The following E2F7 variants were observed in gnomAD, a reference collection of about 807,000 sequenced individuals.
E2F7 encodes transcription factor E2F7.
In E2F7, 35 loss-of-function variants were observed where a neutral mutation model predicts 81.1. The observed-to-expected ratio is 0.43, with a 90% confidence interval of 0.33 to 0.57. E2F7 has a LOEUF of 0.57. Ranked by LOEUF, E2F7 falls within the 20% of genes least tolerant of loss-of-function variation. E2F7 has a pLI of 0.04. For missense variants in E2F7, 961 were observed against 1,093.7 expected (o/e 0.88, Z 1.71); for synonymous variants, 416 against 416.2 (o/e 1.00, Z 0.01).
intron 3 of E2F7, among the ~76,000 whole-genome samples, chr12:77,054,579 T>G (rs1265093666): frequency 6.6e-6 from 1 of 152,144 alleles, no homozygotes; most frequent in Non-Finnish European, 1.5e-5. Flanking sequence ...TTCCTACAGG[T>G]GGTGAACCTT....
At chr12:77,054,497 G>A (rs1363003568) in intron 3 of E2F7, among the ~76,000 whole-genome samples, 1 of 152,110 alleles carries the variant, frequency 6.6e-6, no homozygotes, top group African/African-American at 2.4e-5. Flanking sequence ...GTGAAACACT[G>A]CTGAAAGATA....
Position 77,029,900 on chromosome 12 carries a change from C to T in E2F7, c.1815G>A (p.Glu605=). The part of the protein sequence containing the change: ...RLCEERKPQE[E]DEPATKRQSR... Reference sequence around the variant, plus strand: ...TTTGCCTTTTAGTGGCTGGCTCATCCTCCTCCTGAGGTTTCCTCTCCTCAC... The same window carrying T: ...TTTGCCTTTTAGTGGCTGGCTCATCTTCCTCCTGAGGTTTCCTCTCCTCAC... Residue 605 remains glutamate (E), a synonymous_variant, in exon 10 of 13, where the codon GAG becomes GAA. Transcript: ENST00000322886. The T allele has an allele frequency of 6.2e-7, 1 of 1,614,224 alleles. No individual in the cohort carries two copies.
At position 77,025,940 on chromosome 12, in the gene E2F7, G is replaced by T; in HGVS notation, c.2183C>A (p.Pro728His). 1 of 1,613,058 alleles carries T rather than the reference G, an allele frequency of 6.2e-7. No homozygotes were observed. Among genetic ancestry groups the T allele is most frequent in the South Asian group, 1.1e-5 (1 of 90,940 alleles). ...FNVLLSGSQT[P>H]PTVGPSSGQL... ...ACCTGAGGACGGGCCCACAGTAGGG[G>T]GGGTTTGACTGCCAGATAAAAGTAC... Residue 728 changes from proline to histidine, a missense_variant, in exon 12 of 13, where the codon CCC (proline) becomes CAC (histidine). Physicochemically the swap from Pro to His is moderately conservative, Grantham distance 77 (BLOSUM62 -2). This residue lies in a region of E2F7 where 587 missense variants were observed against 620.3 expected (regional missense o/e 0.95). Coordinates refer to ENST00000322886, the MANE Select transcript of E2F7 (RefSeq NM_203394.3).
Position 77,021,977 on chromosome 12 carries a change from T to G in E2F7, c.*2038A>C, listed in dbSNP as rs1954715611. ...TAATATCCTCACCAATGGGACTGCT[T>G]CTTAACACCCCTCAGGAATTATGAA... On this transcript the variant is annotated 3_prime_UTR_variant, in exon 13 of 13. Transcript: ENST00000322886. 6.6e-6 allele frequency: 1 copy of G among 152,206 alleles called. No homozygotes were observed. Among genetic ancestry groups the G allele is most frequent in the Admixed American group, 6.5e-5 (1 of 15,284 alleles). 9.4% of individuals were successfully genotyped at this position (152,206 alleles called of 1,614,324 possible).
At chr12:77,053,290 G>A (rs569352295) in intron 3 of E2F7, among the ~76,000 whole-genome samples, 19 of 152,212 alleles carry the variant, frequency 1.2e-4, no homozygotes, top group African/African-American at 4.6e-4. Context: ...TAAAATTGAG[G>A]CAGTTAAAAT....
intron 2 of E2F7, among the ~76,000 whole-genome samples, chr12:77,057,534 T>G (rs1955043052): frequency 6.6e-6 from 1 of 152,188 alleles, no homozygotes; most frequent in Non-Finnish European, 1.5e-5. Context: ...AGTGCTTAAC[T>G]CTCAAGTTCC....
chr12:77,045,067 T>C lies in E2F7; in HGVS notation c.830-272A>G, dbSNP rs566582441. On this transcript the variant is annotated intron_variant, in intron 5 of 12. Coordinates refer to ENST00000322886, the MANE Select transcript of E2F7 (RefSeq NM_203394.3). ...TGCTTTACACTTATACTTCCTATAATAGAATCCATACGGTAGTTTTCCTGA... is the reference window on the plus strand; with the variant it reads ...TGCTTTACACTTATACTTCCTATAACAGAATCCATACGGTAGTTTTCCTGA... Among the ~76,000 whole-genome samples the C allele has an allele frequency of 4.6e-5, 7 of 152,332 alleles. No individual in the cohort carries two copies. In the South Asian group the frequency reaches 8.3e-4, roughly 18 times the overall value.
Position 77,026,322 on chromosome 12 carries a change from AG to A in E2F7, c.2141-341del, listed in dbSNP as rs561210570. ...ACTTATTTTTTGTTGTTTTGTTTTG[AG>A]ACCCAGTCTTGCTCTGTTACCCAGG... On this transcript the variant is annotated intron_variant, in intron 11 of 12. Transcript: ENST00000322886. Among the ~76,000 whole-genome samples the A allele has an allele frequency of 1.4e-4, 21 of 152,232 alleles. No individual in the cohort carries two copies. The East Asian group carries it at 4.0e-3, about 29-fold the overall frequency.
intron 4 of E2F7, among the ~76,000 whole-genome samples, chr12:77,049,565 C>G (rs1049700577): frequency 1.3e-5 from 2 of 152,176 alleles, no homozygotes; most frequent in Admixed American, 1.3e-4. Context: ...AAAGCTCTTA[C>G]AGCCTGTAAA....
chr12:77,063,485 G>A (rs1955093925), intron 2 of E2F7, among the ~76,000 whole-genome samples: 1 of 152,146 alleles, frequency 6.6e-6, no homozygotes, highest in African/African-American at 2.4e-5. Flanking sequence ...AAATTTGGGG[G>A]TGGAAAACAT....
intron 2 of E2F7, among the ~76,000 whole-genome samples, chr12:77,061,948 A>T (rs1955081900): frequency 6.6e-6 from 1 of 152,214 alleles, no homozygotes; most frequent in Non-Finnish European, 1.5e-5. Flanking sequence ...TCCTCTGTGA[A>T]GCTTTTTAAC....
At chr12:77,057,160 T>C (rs928683585) in intron 2 of E2F7, among the ~76,000 whole-genome samples, 5 of 151,988 alleles carry the variant, frequency 3.3e-5, no homozygotes, top group African/African-American at 1.2e-4. Context: ...TCAAGTGATC[T>C]TCCCACCTCA....
At chr12:77,027,087 T>C (rs1466766266) in intron 11 of E2F7, among the ~76,000 whole-genome samples, 2 of 152,222 alleles carry the variant, frequency 1.3e-5, no homozygotes, top group Admixed American at 6.5e-5. Flanking sequence ...AAAAGATACT[T>C]ACTAAAGAAA....
In E2F7 at chr12:77,024,011, C is replaced by T. The variant is rs1954736376; in HGVS notation, c.*4G>A. On this transcript the variant is annotated 3_prime_UTR_variant, in exon 13 of 13. Transcript: ENST00000322886. ...ATCCCACCCCCACCTGGCAAAGCGG[C>T]AGGTTAGTCAGCGCCGCCGCTGGGG... is the stretch of plus-strand genomic sequence containing the variant. 4.3e-6 allele frequency: 7 copies of T among 1,612,428 alleles called. No individual in the cohort carries two copies. Among genetic ancestry groups the T allele is most frequent in the Non-Finnish European group, 5.9e-6 (7 of 1,179,676 alleles).
In E2F7 at chr12:77,025,939, G is replaced by C. The variant is rs547400660; in HGVS notation, c.2184C>G (p.Pro728=). The part of the protein sequence containing the change: ...FNVLLSGSQT[P]PTVGPSSGQL... The stretch of plus-strand genomic sequence containing the variant: ...GACCTGAGGACGGGCCCACAGTAGG[G>C]GGGGTTTGACTGCCAGATAAAAGTA... The change falls in exon 12 of 13, where the codon CCC becomes CCG. Residue 728 remains proline (P), a synonymous_variant. Coordinates refer to ENST00000322886, the MANE Select transcript of E2F7 (RefSeq NM_203394.3). 1.4e-5 allele frequency: 23 copies of C among 1,613,386 alleles called. No individual in the cohort carries two copies. In the Middle Eastern group the frequency reaches 4.9e-4, roughly 35 times the overall value.
intron 9 of E2F7, among the ~76,000 whole-genome samples, chr12:77,031,945 A>G (rs139881669): frequency 1.3e-5 from 2 of 152,074 alleles, no homozygotes; most frequent in East Asian, 3.9e-4. Flanking sequence ...CCAGCCATCC[A>G]CCTTCAACTT....
chr12:77,056,126 T>C lies in E2F7; in HGVS notation c.98A>G (p.Asn33Ser). The C allele has an allele frequency of 6.3e-7, 1 of 1,588,224 alleles. No individual in the cohort carries two copies. The highest frequency in any genetic ancestry group is 2.2e-5 in the East Asian group (1 of 44,780). Residue 33 changes from asparagine (N) to serine (S), a missense_variant, in exon 3 of 13, where the codon AAT becomes AGT. Physicochemically the swap from Asn to Ser is conservative, Grantham distance 46 (BLOSUM62 1). Around this residue, in one of 3 missense-constraint regions of E2F7, gnomAD observed 73 missense variants for 68.4 expected, o/e 1.07. Transcript: ENST00000322886. ...CATCCTTGATCGATCAACAAATATA[T>C]TTTCCTATTTTAAAAAAGAAACTTT... ...VEDGENAQKE[N>S]IFVDRSRMAP... is the part of the protein sequence containing the mutation.
chr12:77,044,550 T>C (rs985884086), intron 6 of E2F7, 87 bp downstream of exon 6: 15 of 1,490,864 alleles, frequency 1.0e-5, no homozygotes, highest in East Asian at 2.3e-5. Context: ...ACAATATATA[T>C]ATTTTTAATC....
intron 2 of E2F7, among the ~76,000 whole-genome samples, chr12:77,058,471 A>C (rs1170623452): frequency 6.6e-6 from 1 of 152,124 alleles, no homozygotes; most frequent in Non-Finnish European, 1.5e-5. Flanking sequence ...CCTGGGCACA[A>C]ACTGGGAGGA....
Sources: gnomAD v4.1 joint callset for allele counts (sites outside exome capture counted in the v4.1 genomes callset) on GRCh38, gnomAD v4.1.1 for gene constraint, gnomAD v4.1.1 regional missense constraint, MANE v1.5 for transcripts, NCBI Gene and HGNC (gene_info 2026-07-23, HGNC 2026-07-21) for gene names.